CLMN: variants seen among roughly 807,000 people sequenced by gnomAD.
The protein encoded by CLMN is calmin (calponin-like, transmembrane).
CLMN carries 57 observed loss-of-function variants against 92.7 expected under a neutral mutation model. That is an observed-to-expected ratio of 0.61 (90% CI 0.50 to 0.77). The LOEUF is 0.77. CLMN is among the 30% of genes least tolerant of loss of function. CLMN has a pLI of 0.00. For missense variants in CLMN, 1,158 were observed against 1,237.5 expected (o/e 0.94, Z 0.96); for synonymous variants, 466 against 470.6 (o/e 0.99, Z 0.13).
intron 1 of CLMN, among the ~76,000 whole-genome samples, chr14:95,249,182 A>G (rs1257657893): frequency 6.6e-6 from 1 of 152,248 alleles, no homozygotes; most frequent in Non-Finnish European, 1.5e-5. Context: ...CCAGTAAGGT[A>G]TGCTGCATAG....
intron 1 of CLMN, among the ~76,000 whole-genome samples, chr14:95,278,160 T>C (rs1488294559): frequency 6.6e-6 from 1 of 152,044 alleles, no homozygotes; most frequent in Non-Finnish European, 1.5e-5. Flanking sequence ...CACCCATAGT[T>C]AAGTCATAAC....
At chr14:95,265,895 A>T (rs1899453675) in intron 1 of CLMN, among the ~76,000 whole-genome samples, 1 of 152,182 alleles carries the variant, frequency 6.6e-6, no homozygotes, top group Non-Finnish European at 1.5e-5. Context: ...TCCACAACAC[A>T]ATCCTCTTGG....
chr14:95,264,963 AGGTGT>A (rs1447900191), intron 1 of CLMN, among the ~76,000 whole-genome samples: 2 of 150,190 alleles, frequency 1.3e-5, no homozygotes, highest in African/African-American at 4.9e-5. Context: ...AAAATTAGCC[AGGTGT>A]GGTTGCAGTG....
intron 1 of CLMN, among the ~76,000 whole-genome samples, chr14:95,245,181 T>TA (rs1428585884): frequency 4.4e-4 from 18 of 40,972 alleles, no homozygotes; most frequent in African/African-American, 2.0e-3. Flanking sequence ...ATATTATATA[T>TA]ATATATATAT....
chr14:95,212,579 G>A (rs1330478894), intron 6 of CLMN, among the ~76,000 whole-genome samples: 1 of 152,084 alleles, frequency 6.6e-6, no homozygotes, highest in Non-Finnish European at 1.5e-5. Context: ...TTTAAAGTAG[G>A]TACAGACTCT....
Position 95,194,663 on chromosome 14 carries a change from A to AC in CLMN, c.2709-68dup. ...CTCTTCATGGCTCAGTTGTACGGTC[A>AC]CCCCCATCCTGGGGTTTCCACGTAT... On this transcript the variant is annotated intron_variant, in intron 10 of 12. Coordinates refer to ENST00000298912, the MANE Select transcript of CLMN (RefSeq NM_024734.4). This position sits in a 1 kb window ranked among gnomAD's most constrained non-coding sequence, Gnocchi z 4.0. 6.7e-7 allele frequency: 1 copy of AC among 1,485,490 alleles called. No individual in the cohort carries two copies. The highest frequency in any genetic ancestry group is 1.1e-5 in the South Asian group (1 of 88,338). The allele number at this position is 1,485,490 out of a possible 1,614,324, so 92.0% of individuals were successfully genotyped here. A position where few individuals can be genotyped will look rare whatever the true frequency, so the allele number is the denominator to read the frequency against.
chr14:95,193,220 T>C, intron 12 of CLMN: 2 of 747,702 alleles, frequency 2.7e-6, no homozygotes, highest in Non-Finnish European at 4.5e-6. Context: ...TTGTAAGAAT[T>C]TGAGACGTTT....
chr14:95,252,355 G>A lies in CLMN; in HGVS notation c.83-22222C>T, dbSNP rs555539964. Among the ~76,000 whole-genome samples the A allele has an allele frequency of 8.4e-4, 128 of 152,284 alleles. 1 individual carries two copies. Among genetic ancestry groups the A allele is most frequent in the African/African-American group, 2.9e-3 (120 of 41,546 alleles). Reference sequence around the variant, plus strand: ...CACAGCATTGCAGGGTTGCCTTGAAGATAAAATGAGAGCTGGTATTTACAA... The same window carrying A: ...CACAGCATTGCAGGGTTGCCTTGAAAATAAAATGAGAGCTGGTATTTACAA... On this transcript the variant is annotated intron_variant, in intron 1 of 12. Coordinates refer to ENST00000298912, the MANE Select transcript of CLMN (RefSeq NM_024734.4).
At chr14:95,239,760 T>G (rs1898181068) in intron 1 of CLMN, among the ~76,000 whole-genome samples, 3 of 152,220 alleles carry the variant, frequency 2.0e-5, no homozygotes, top group Admixed American at 1.3e-4. Context: ...TTAAACTAAG[T>G]GCATTTGAAC....
intron 1 of CLMN, among the ~76,000 whole-genome samples, chr14:95,297,458 A>G (rs1900852282): frequency 6.6e-6 from 1 of 152,200 alleles, no homozygotes; most frequent in Non-Finnish European, 1.5e-5. Flanking sequence ...ACCATACGGA[A>G]GAGATAGAAT....
At chr14:95,221,879 A>T (rs2140618352) in intron 3 of CLMN, 105 bp from the exon 4 acceptor site, 1 of 1,139,582 alleles carries the variant, frequency 8.8e-7, no homozygotes, top group Non-Finnish European at 1.2e-6. Context: ...CATGAATTTC[A>T]AGAAAAAGTT....
intron 1 of CLMN, among the ~76,000 whole-genome samples, chr14:95,264,101 C>G (rs1202706295): frequency 1.3e-5 from 2 of 151,804 alleles, no homozygotes; most frequent in East Asian, 1.9e-4. Flanking sequence ...GCAGTGGCAC[C>G]ATCTCAGCTC....
At chr14:95,201,986 G>A (rs930291503) in intron 9 of CLMN, among the ~76,000 whole-genome samples, 5 of 152,294 alleles carry the variant, frequency 3.3e-5, no homozygotes, top group East Asian at 1.9e-4. Context: ...TCACTGGGGG[G>A]CATTTGGGTT....
intron 1 of CLMN, among the ~76,000 whole-genome samples, chr14:95,245,477 T>C (rs1290264480): frequency 2.0e-5 from 3 of 148,696 alleles, no homozygotes; most frequent in Non-Finnish European, 3.0e-5. Flanking sequence ...GATGGACGGA[T>C]GGATGGATGG....
chr14:95,236,562 C>T (rs563330779), intron 1 of CLMN, among the ~76,000 whole-genome samples: 1 of 152,302 alleles, frequency 6.6e-6, no homozygotes, highest in South Asian at 2.1e-4. Flanking sequence ...CACATCCTGC[C>T]ATGCACGGGA....
intron 1 of CLMN, among the ~76,000 whole-genome samples, chr14:95,309,201 G>C (rs748613921): frequency 7.9e-5 from 12 of 152,120 alleles, no homozygotes; most frequent in Admixed American, 3.3e-4. Context: ...TGGGACTTTC[G>C]ATATGTGATG....
intron 1 of CLMN, chr14:95,260,585 A>T (rs941778706): frequency 5.9e-5 from 9 of 152,226 alleles, no homozygotes; most frequent in African/African-American, 1.7e-4. Context: ...TGTGATTTTG[A>T]CACACAATAA....
At chr14:95,315,114 G>A (rs758624115) in intron 1 of CLMN, among the ~76,000 whole-genome samples, 7 of 152,158 alleles carry the variant, frequency 4.6e-5, no homozygotes, top group Middle Eastern at 3.2e-3. Context: ...AGATAGGGAG[G>A]TAAAGATGGA....
chr14:95,203,962 C>T lies in CLMN; in HGVS notation c.1387G>A (p.Val463Ile). The T allele has an allele frequency of 6.2e-7, 1 of 1,614,206 alleles. No individual in the cohort carries two copies. Among genetic ancestry groups the T allele is most frequent in the Non-Finnish European group, 8.5e-7 (1 of 1,180,024 alleles). The part of the protein sequence containing the change: ...AKESLRQDGH[V>I]LAVEVAEEKE... The stretch of plus-strand genomic sequence containing the variant: ...TCCTCAGCAACCTCAACTGCCAAGA[C>T]ATGTCCATCCTGCCTCAATGATTCC... The change falls in exon 9 of 13, where the codon GTC becomes ATC. Residue 463 changes from valine (V) to isoleucine (I), a missense_variant. Transcript: ENST00000298912.
Sources: allele counts gnomAD v4.1 joint callset (sites outside exome capture counted in the v4.1 genomes callset), GRCh38; gene constraint gnomAD v4.1.1; non-coding constraint Gnocchi (gnomAD v3.1); transcripts MANE v1.5; gene names NCBI Gene and HGNC (gene_info 2026-07-23, HGNC 2026-07-21).